C1QTNF7: variants seen among roughly 807,000 people sequenced by gnomAD.
The protein encoded by C1QTNF7 is complement C1q tumor necrosis factor-related protein 7.
C1QTNF7 carries 15 observed loss-of-function variants against 19.6 expected under a neutral mutation model. That is an observed-to-expected ratio of 0.76 (90% confidence interval 0.51 to 1.18). The LOEUF (loss-of-function observed/expected upper bound fraction) is 1.18, where lower values mean the gene tolerates loss of function less well. Ranked by LOEUF, C1QTNF7 falls within the 50% of genes most tolerant of loss-of-function variation. C1QTNF7 has a pLI of 0.00. For synonymous variants in C1QTNF7, 142 were observed against 137.5 expected (o/e 1.03, Z -0.23); for missense variants, 324 against 359.7 (o/e 0.90, Z 0.80).
At chr4:15,419,828 C>T (rs1215717599) in intron 1 of C1QTNF7, 3 of 152,092 alleles carry the variant, frequency 2.0e-5, no homozygotes, top group East Asian at 1.9e-4. Context: ...CAAACATACA[C>T]ACACACGGCC....
At chr4:15,405,886 T>C (rs1182238491) in intron 1 of C1QTNF7, among the ~76,000 whole-genome samples, 2 of 152,118 alleles carry the variant, frequency 1.3e-5, no homozygotes, top group African/African-American at 2.4e-5. Context: ...TCACTCTCCT[T>C]CCTGTGGTGA....
intron 1 of C1QTNF7, among the ~76,000 whole-genome samples, chr4:15,401,616 C>T (rs1257977223): frequency 6.6e-6 from 1 of 152,154 alleles, no homozygotes; most frequent in East Asian, 1.9e-4. Context: ...GATCCACCAC[C>T]AGAGAACACA....
chr4:15,348,671 C>G (rs1716798605), intron 1 of C1QTNF7, among the ~76,000 whole-genome samples: 1 of 152,156 alleles, frequency 6.6e-6, no homozygotes, highest in African/African-American at 2.4e-5. Context: ...CCCACTGGTG[C>G]CAGGTCTTCA....
upstream of C1QTNF7, among the ~76,000 whole-genome samples, chr4:15,423,827 C>T (rs577093227): frequency 7.2e-5 from 11 of 152,286 alleles, no homozygotes; most frequent in South Asian, 1.9e-3. Flanking sequence ...CCGTTTCCCC[C>T]CCTTTTAGGT....
intron 1 of C1QTNF7, among the ~76,000 whole-genome samples, chr4:15,350,273 A>AGAAGGAAG (rs142488726): frequency 0.29 from 3,102 of 10,748 alleles, 5 homozygotes; most frequent in Admixed American, 0.34. Flanking sequence ...GAGGGAGGAA[A>AGAAGGAAG]GAAGGAAGGA....
chr4:15,341,927 G>T (rs575901677), intron 1 of C1QTNF7, among the ~76,000 whole-genome samples: 3 of 152,226 alleles, frequency 2.0e-5, no homozygotes, highest in South Asian at 2.1e-4. Flanking sequence ...CTTCCTCACG[G>T]GCTCCAATGG....
chr4:15,402,237 G>C (rs1465570241), intron 1 of C1QTNF7, among the ~76,000 whole-genome samples: 1 of 152,176 alleles, frequency 6.6e-6, no homozygotes, highest in Non-Finnish European at 1.5e-5. Flanking sequence ...GTTCTAAGGG[G>C]ACAAGGTGAC....
chr4:15,392,569 C>A (rs956865473), intron 1 of C1QTNF7, among the ~76,000 whole-genome samples: 7 of 152,208 alleles, frequency 4.6e-5, no homozygotes, highest in Non-Finnish European at 8.8e-5. Flanking sequence ...TCAGCCTCTC[C>A]AGGGAGGACC....
chr4:15,410,997 C>G (rs1033306326), intron 1 of C1QTNF7, among the ~76,000 whole-genome samples: 1 of 152,168 alleles, frequency 6.6e-6, no homozygotes, highest in African/African-American at 2.4e-5. Flanking sequence ...TTTCCTGTTT[C>G]ACACGCGAAC....
intron 1 of C1QTNF7, among the ~76,000 whole-genome samples, chr4:15,340,698 A>G (rs553206974): frequency 1.6e-4 from 24 of 152,332 alleles, no homozygotes; most frequent in Middle Eastern, 3.4e-3. Context: ...CTTGTTTTGC[A>G]GAATATATTT....
chr4:15,404,701 C>T (rs186520640), intron 1 of C1QTNF7, among the ~76,000 whole-genome samples: 16 of 152,220 alleles, frequency 1.1e-4, no homozygotes, highest in African/African-American at 3.4e-4. Context: ...AGGTTGACTG[C>T]GGTAGGGTTG....
At chr4:15,406,072 T>G (rs1719185458) in intron 1 of C1QTNF7, among the ~76,000 whole-genome samples, 1 of 152,226 alleles carries the variant, frequency 6.6e-6, no homozygotes, top group African/African-American at 2.4e-5. Flanking sequence ...CTCCAAGATT[T>G]ACCATTCTCT....
chr4:15,402,894 C>A (rs1357226064), intron 1 of C1QTNF7, among the ~76,000 whole-genome samples: 2 of 151,894 alleles, frequency 1.3e-5, no homozygotes, highest in Non-Finnish European at 2.9e-5. Flanking sequence ...CTGGCTAAAC[C>A]TGTGCCTCAG....
chr4:15,400,911 A>T (rs1314471685), intron 1 of C1QTNF7, among the ~76,000 whole-genome samples: 1 of 152,164 alleles, frequency 6.6e-6, no homozygotes, highest in Non-Finnish European at 1.5e-5. Flanking sequence ...TCACAGCATA[A>T]GGCTTCAGAT....
intron 1 of C1QTNF7, among the ~76,000 whole-genome samples, chr4:15,366,630 C>T (rs1717534108): frequency 6.6e-6 from 1 of 151,558 alleles, no homozygotes; most frequent in Non-Finnish European, 1.5e-5. Flanking sequence ...ATCTTTCTCC[C>T]TTCTCTGTTT....
intron 1 of C1QTNF7, among the ~76,000 whole-genome samples, chr4:15,365,075 C>T (rs1717467422): frequency 6.6e-6 from 1 of 152,020 alleles, no homozygotes; most frequent in Non-Finnish European, 1.5e-5. Context: ...TTTGCACACT[C>T]GTGTGTCTGA....
At chr4:15,351,553 A>G (rs749802077) in intron 1 of C1QTNF7, among the ~76,000 whole-genome samples, 2 of 152,206 alleles carry the variant, frequency 1.3e-5, no homozygotes, top group Non-Finnish European at 2.9e-5. Flanking sequence ...TTTCTCAACC[A>G]TGGCTGCACC....
At chr4:15,392,754 C>T (rs573912323) in intron 1 of C1QTNF7, among the ~76,000 whole-genome samples, 1 of 152,286 alleles carries the variant, frequency 6.6e-6, no homozygotes, top group South Asian at 2.1e-4. Flanking sequence ...TAGCAAAAAA[C>T]ACCAATAATT....
chr4:15,407,793 G>A (rs370346901), intron 1 of C1QTNF7, among the ~76,000 whole-genome samples: 11 of 152,288 alleles, frequency 7.2e-5, no homozygotes, highest in African/African-American at 2.2e-4. Flanking sequence ...CGGGTGTGGT[G>A]GTGGGTACCT....
Sources: gnomAD v4.1 joint callset for allele counts (sites outside exome capture counted in the v4.1 genomes callset) on GRCh38, gnomAD v4.1.1 for gene constraint, MANE v1.5 for transcripts, NCBI Gene and HGNC (gene_info 2026-07-23, HGNC 2026-07-21) for gene names.